The following ZNF783 variants were observed in gnomAD, a reference collection of about 807,000 sequenced individuals.
The protein encoded by ZNF783 is zinc finger protein 783.
A neutral mutation model predicts 31.3 loss-of-function variants in ZNF783; 25 were observed. The observed-to-expected ratio is 0.80, with a 90% confidence interval of 0.58 to 1.11. The LOEUF is 1.11. Among genes scored for constraint, ZNF783 ranks in the 50% most tolerant of loss-of-function variants. The pLI, the probability that ZNF783 is intolerant of heterozygous loss-of-function variation, is 0.00. For missense variants in ZNF783, 797 were observed against 760.0 expected, an observed-to-expected ratio of 1.05 and a Z score of -0.57; for synonymous variants, 369 against 319.1, an observed-to-expected ratio of 1.16 and a Z score of -1.66.
At chr7:149,279,654 T>TTTTTTTTTTTTTTTTTTTTTTTTTA (rs1554479776) in intron 5 of ZNF783, among the ~76,000 whole-genome samples, 1 of 128,338 alleles carries the variant, frequency 7.8e-6, no homozygotes, top group African/African-American at 2.8e-5. Flanking sequence ...TTTTTTTTTT[T>TTTTTTTTTTTTTTTTTTTTTTTTTA]AATTTTTTTT....
chr7:149,281,922 G>C lies in ZNF783; in HGVS notation c.1220G>C (p.Arg407Pro), dbSNP rs200388581. 5.2e-6 allele frequency: 8 copies of C among 1,531,590 alleles called. No homozygotes were observed. The African/African-American group carries it at 9.6e-5, about 18-fold the overall frequency. 94.9% of individuals were successfully genotyped at this position (1,531,590 alleles called of 1,614,324 possible). A position where few individuals can be genotyped will look rare whatever the true frequency, so the allele number is the denominator to read the frequency against. ...GTGGTGGTACCCGGCCCTGTCATCCGCTGGCTCCCCGAGGAGCCTGAGGGT... is the reference window on the plus strand; with the variant it reads ...GTGGTGGTACCCGGCCCTGTCATCCCCTGGCTCCCCGAGGAGCCTGAGGGT... The part of the protein sequence containing the change: ...GEVVVPGPVI[R>P]WLPEEPEGRR... The change falls in exon 6 of 6, where the codon CGC becomes CCC. Residue 407 changes from arginine to proline, a missense_variant. Transcript: ENST00000434415.
Position 149,281,716 on chromosome 7 carries a change from C to T in ZNF783, c.1014C>T (p.Pro338=). 1.3e-6 allele frequency: 2 copies of T among 1,486,888 alleles called. No homozygotes were observed. Among genetic ancestry groups the T allele is most frequent in the South Asian group, 2.7e-5 (2 of 73,920 alleles). The allele number at this position is 1,486,888 out of a possible 1,614,324, so 92.1% of individuals were successfully genotyped here. A position where few individuals can be genotyped will look rare whatever the true frequency, so the allele number is the denominator to read the frequency against. ...CACCGGGGGCCAGTGGGGAGACGCC[C>T]CGAGTCCTCTCCCGCAGGCGGCAGC... ...PRPPGASGET[P]RVLSRRRQRA... Residue 338 remains proline (P), a synonymous_variant, in exon 6 of 6, where the codon CCC becomes CCT. Transcript: ENST00000434415.
intron 5 of ZNF783, 110 bp from the exon 6 acceptor site, chr7:149,281,395 C>A: frequency 1.1e-6 from 1 of 936,120 alleles, no homozygotes; most frequent in Non-Finnish European, 1.5e-6. Context: ...GCTGTGAGCA[C>A]TGTGGGGAGA....
chr7:149,281,413 C>T (rs980593966), intron 5 of ZNF783, 92 bp from the exon 6 acceptor site: 21 of 1,198,640 alleles, frequency 1.8e-5, no homozygotes, highest in Middle Eastern at 2.0e-4. Flanking sequence ...AGATAGGGCC[C>T]GGGCTGAGGC....
intron 4 of ZNF783, among the ~76,000 whole-genome samples, chr7:149,270,169 C>A (rs1006832783): frequency 6.6e-6 from 1 of 152,188 alleles, no homozygotes; most frequent in African/African-American, 2.4e-5. Flanking sequence ...GATTTATAAT[C>A]CTTTGGGTAT....
intron 1 of ZNF783, among the ~76,000 whole-genome samples, chr7:149,263,572 G>C (rs1796995538): frequency 6.6e-6 from 1 of 151,986 alleles, no homozygotes; most frequent in African/African-American, 2.4e-5. Context: ...TTCCTATACA[G>C]AATTTTTCTC....
At position 149,282,079 on chromosome 7, in the gene ZNF783, C is replaced by A; in HGVS notation, c.1377C>A (p.Thr459=). The A allele has an allele frequency of 6.3e-7, 1 of 1,596,186 alleles. No individual in the cohort carries two copies. Among genetic ancestry groups the A allele is most frequent in the Non-Finnish European group, 8.5e-7 (1 of 1,178,732 alleles). Residue 459 remains threonine, a synonymous_variant, in exon 6 of 6, where the codon ACC becomes ACA. Transcript: ENST00000434415. ...KSLLLHQRLH[T]GNGQGWPACP... ...TGCTGCTGCACCAGCGCCTGCACAC[C>A]GGCAATGGCCAGGGCTGGCCCGCCT... is the stretch of plus-strand genomic sequence containing the variant.
intron 1 of ZNF783, among the ~76,000 whole-genome samples, chr7:149,263,265 CGTGTGT>C (rs56067256): frequency 0.015 from 1,817 of 121,360 alleles, 28 homozygotes; most frequent in African/African-American, 0.034. Context: ...TATATATATA[CGTGTGT>C]GTGTGTGTGT....
rs368133659 is a variant in ZNF783, at chr7:149,281,814, A to G, written c.1112A>G (p.His371Arg). The G allele has an allele frequency of 2.0e-6, 3 of 1,517,604 alleles. No homozygotes were observed. The highest frequency in any genetic ancestry group is 1.7e-4 in the Middle Eastern group (1 of 5,736). 94.0% of individuals were successfully genotyped at this position (1,517,604 alleles called of 1,614,324 possible). A position where few individuals can be genotyped will look rare whatever the true frequency, so the allele number is the denominator to read the frequency against. The change falls in exon 6 of 6, where the codon CAT becomes CGT. Residue 371 changes from histidine (H) to arginine (R), a missense_variant. Physicochemically the swap from His to Arg is conservative, Grantham distance 29 (BLOSUM62 0). Transcript: ENST00000434415. ...AATCTGACGATTCATCAGCGGACCC[A>G]TGTGGAGGAGGGGCGGCAGGAGGCC... is the stretch of plus-strand genomic sequence containing the variant. ...KINLTIHQRT[H>R]VEEGRQEAPG...
At chr7:149,264,391 G>C (rs1042425600) in intron 1 of ZNF783, among the ~76,000 whole-genome samples, 4 of 152,162 alleles carry the variant, frequency 2.6e-5, no homozygotes, top group African/African-American at 9.7e-5. Flanking sequence ...AGTTGGAGGA[G>C]GGCCGGGTGG....
intron 4 of ZNF783, among the ~76,000 whole-genome samples, chr7:149,267,950 C>G (rs940715467): frequency 6.6e-6 from 1 of 152,220 alleles, no homozygotes; most frequent in South Asian, 2.1e-4. Context: ...CACGTGCTGG[C>G]TTCCATTTGT....
chr7:149,263,490 A>G (rs1796993681), intron 1 of ZNF783, among the ~76,000 whole-genome samples: 4 of 151,754 alleles, frequency 2.6e-5, no homozygotes, highest in Admixed American at 2.6e-4. Context: ...TGTCTCATTT[A>G]TATCTATCTA....
Position 149,282,518 on chromosome 7 carries a change from C to T in ZNF783, c.*175C>T, listed in dbSNP as rs1709919781. ...GGGTGCTTTCTGTTTCCTGTTTGCA[C>T]TCTTCGCTGCCTTTTCTGCATTCCT... On this transcript the variant is annotated 3_prime_UTR_variant, in exon 6 of 6. Transcript: ENST00000434415. The T allele has an allele frequency of 8.3e-6, 5 of 599,292 alleles. No homozygotes were observed. The South Asian group carries it at 9.4e-5, about 11-fold the overall frequency. The allele number at this position is 599,292 out of a possible 1,614,324, so 37.1% of individuals were successfully genotyped here.
Position 149,282,132 on chromosome 7 carries a change from G to A in ZNF783, c.1430G>A (p.Arg477Gln), listed in dbSNP as rs1797491331. The change falls in exon 6 of 6, where the codon CGG (arginine) becomes CAG (glutamine). Residue 477 changes from arginine (R) to glutamine (Q), a missense_variant. Arg to Gln is a conservative substitution (Grantham distance 43). Coordinates refer to ENST00000434415, the MANE Select transcript of ZNF783 (RefSeq NM_001195220.2). The part of the protein sequence containing the change: ...ACPYCGKAFR[R>Q]PSDLFRHQRI... ...CCCTACTGCGGCAAGGCCTTCCGCC[G>A]GCCCTCGGACCTCTTCCGGCACCAG... The A allele has an allele frequency of 1.9e-6, 3 of 1,599,400 alleles. No homozygotes were observed. The highest frequency in any genetic ancestry group is 2.5e-6 in the Non-Finnish European group (3 of 1,179,316).
chr7:149,275,645 T>A (rs1472664586), intron 4 of ZNF783: 1 of 152,168 alleles, frequency 6.6e-6, no homozygotes, highest in Admixed American at 6.5e-5. Context: ...AAAATCATCT[T>A]CAATGAGGTT....
At chr7:149,266,128 G>A (rs1208601886) in intron 1 of ZNF783, among the ~76,000 whole-genome samples, 1 of 152,182 alleles carries the variant, frequency 6.6e-6, no homozygotes, top group Non-Finnish European at 1.5e-5. Flanking sequence ...TTGCTGACAC[G>A]TTGGTCCAGC....
At position 149,281,989 on chromosome 7, in the gene ZNF783, G is replaced by GC. The variant is rs1797483931; in HGVS notation, c.1289dup (p.Ala431CysfsTer61). On this transcript the variant is annotated frameshift_variant, in exon 6 of 6. Coordinates refer to ENST00000434415, the MANE Select transcript of ZNF783 (RefSeq NM_001195220.2). LOFTEE classifies it low-confidence loss of function (END_TRUNC). Reference sequence around the variant, plus strand: ...GGGGCCGTGCCTTGGTGGGGCGGCGGCCTGCAGCCAGCAAGATGTACCACT... The same window carrying GC: ...GGGGCCGTGCCTTGGTGGGGCGGCGGCCCTGCAGCCAGCAAGATGTACCACT... The GC allele has an allele frequency of 6.3e-7, 1 of 1,576,920 alleles. No individual in the cohort carries two copies. The highest frequency in any genetic ancestry group is 1.1e-5 in the South Asian group (1 of 88,322).
At chr7:149,268,922 A>G (rs1797149306) in intron 4 of ZNF783, among the ~76,000 whole-genome samples, 1 of 152,172 alleles carries the variant, frequency 6.6e-6, no homozygotes, top group East Asian at 1.9e-4. Flanking sequence ...GTGCATGTAT[A>G]TTTTTGGTAT....
At chr7:149,276,186 C>T (rs113216488) in intron 4 of ZNF783, 7,479 of 287,660 alleles carry the variant, frequency 0.026, 197 homozygotes, top group African/African-American at 0.082. Context: ...CCACTACGCC[C>T]GGCCTTATTT....
Sources: allele counts gnomAD v4.1 joint callset (sites outside exome capture counted in the v4.1 genomes callset), GRCh38; gene constraint gnomAD v4.1.1; transcripts MANE v1.5; gene names NCBI Gene and HGNC (gene_info 2026-07-23, HGNC 2026-07-21).